The following AK9 variants were observed in gnomAD, a reference collection of about 807,000 sequenced individuals.
AK9 encodes adenylate kinase 9, also known as adenylate kinase domain containing 1.
AK9 carries 191 observed loss-of-function variants against 239.6 expected under a neutral mutation model. That is an observed-to-expected ratio of 0.80 (90% CI 0.71 to 0.90). The LOEUF (loss-of-function observed/expected upper bound fraction) is 0.90, where lower values mean the gene tolerates loss of function less well. Ranked by LOEUF, AK9 falls within the 40% of genes least tolerant of loss-of-function variation. The pLI is 0.00. For synonymous variants in AK9, 689 were observed against 721.0 expected (o/e 0.96, Z 0.71); for missense variants, 1,995 against 2,214.7 (o/e 0.90, Z 1.99).
intron 38 of AK9, among the ~76,000 whole-genome samples, chr6:109,496,393 A>T (rs1416565016): frequency 1.3e-5 from 2 of 152,200 alleles, no homozygotes; most frequent in African/African-American, 2.4e-5. Flanking sequence ...TCTGGACTAC[A>T]GGCAAGAGCT....
rs117711394 is a variant in AK9 at position 109,505,555 on chromosome 6, G to C, written c.4849+772C>G. ...CTCAACATTTATATCATACTATAAT[G>C]GGTGTAAATAGTAAAAATAATTTTA... On this transcript the variant is annotated intron_variant, in intron 35 of 40. Coordinates refer to ENST00000424296, the MANE Select transcript of AK9 (RefSeq NM_001145128.3). Among the ~76,000 whole-genome samples, 76 of 152,112 alleles carry C rather than the reference G, an allele frequency of 5.0e-4. 1 individual carries two copies. In the East Asian group the frequency reaches 0.014, roughly 29 times the overall value.
intron 32 of AK9, among the ~76,000 whole-genome samples, chr6:109,513,966 A>G (rs1779006910): frequency 6.6e-6 from 1 of 152,110 alleles, no homozygotes; most frequent in Admixed American, 6.6e-5. Context: ...CTGTCCCATG[A>G]CTTCACCCTG....
At chr6:109,524,402 T>A (rs1780202798) in intron 29 of AK9, among the ~76,000 whole-genome samples, 1 of 152,118 alleles carries the variant, frequency 6.6e-6, no homozygotes, top group African/African-American at 2.4e-5. Flanking sequence ...AAAAAATGTC[T>A]AAAGAAATAA....
chr6:109,497,726 A>G (rs1777221438), intron 37 of AK9, 70 bp downstream of exon 37: 2 of 1,534,522 alleles, frequency 1.3e-6, no homozygotes, highest in Admixed American at 4.0e-5. Flanking sequence ...CAATATGTTA[A>G]GATTATTACA....
At chr6:109,507,178 A>C (rs941636406) in intron 33 of AK9, among the ~76,000 whole-genome samples, 1 of 152,218 alleles carries the variant, frequency 6.6e-6, no homozygotes, top group Non-Finnish European at 1.5e-5. Context: ...AGAGGCAGAT[A>C]ACTTTAGATT....
chr6:109,627,176 G>A (rs1264977009), intron 12 of AK9, among the ~76,000 whole-genome samples: 17 of 139,338 alleles, frequency 1.2e-4, no homozygotes, highest in Non-Finnish European at 2.6e-4. Context: ...CCCTACATGG[G>A]GTCAGGATTA....
intron 17 of AK9, among the ~76,000 whole-genome samples, chr6:109,588,763 G>A (rs1048579165): frequency 4.6e-5 from 7 of 152,142 alleles, no homozygotes; most frequent in African/African-American, 1.7e-4. Context: ...TCTGGTGAGA[G>A]ATAGGGGTCC....
chr6:109,604,401 A>T (rs1372810105), intron 17 of AK9, among the ~76,000 whole-genome samples: 2 of 152,154 alleles, frequency 1.3e-5, no homozygotes, highest in East Asian at 3.8e-4. Flanking sequence ...ATATATATGG[A>T]ATTTATTTTT....
chr6:109,528,926 G>A (rs751452601), intron 29 of AK9, 85 bp downstream of exon 29: 2 of 1,559,670 alleles, frequency 1.3e-6, no homozygotes, highest in African/African-American at 2.7e-5. Context: ...GTTCGAGGTT[G>A]CAGTGAGCTA....
chr6:109,571,789 A>C (rs1583059169), intron 21 of AK9, among the ~76,000 whole-genome samples: 2 of 152,308 alleles, frequency 1.3e-5, no homozygotes, highest in Middle Eastern at 6.8e-3. Flanking sequence ...ATGATTCTAG[A>C]GTTTTTATTT....
intron 24 of AK9, among the ~76,000 whole-genome samples, chr6:109,560,155 T>C (rs1785561384): frequency 6.6e-6 from 1 of 152,216 alleles, no homozygotes; most frequent in Admixed American, 6.5e-5. Flanking sequence ...AATTCACAGC[T>C]TAGGACATGA....
rs935016032 is a variant in AK9 at position 109,564,791 on chromosome 6, T to C, written c.2399A>G (p.Lys800Arg). Residue 800 changes from lysine to arginine, a missense_variant, in exon 22 of 41, where the codon AAA (lysine) becomes AGA (arginine). Coordinates refer to ENST00000424296, the MANE Select transcript of AK9 (RefSeq NM_001145128.3). Reference sequence around the variant, plus strand: ...TAATTTTTCAATTTCCAGGCCCTCTTTGGATCCTTTTGGGATTTCTGTTTC... The same window carrying C: ...TAATTTTTCAATTTCCAGGCCCTCTCTGGATCCTTTTGGGATTTCTGTTTC... The part of the protein sequence containing the change: ...TVETEIPKGS[K>R]EGLEIEKLSE... The C allele has an allele frequency of 3.1e-5, 48 of 1,546,750 alleles. No homozygotes were observed. The highest frequency in any genetic ancestry group is 4.1e-5 in the Non-Finnish European group (47 of 1,144,778).
chr6:109,500,595 G>C (rs1011345229), intron 35 of AK9, among the ~76,000 whole-genome samples: 1 of 152,156 alleles, frequency 6.6e-6, no homozygotes, highest in Non-Finnish European at 1.5e-5. Flanking sequence ...AAAAATCATA[G>C]TTTGTTTTTT....
chr6:109,619,026 G>C (rs1474676014), intron 13 of AK9, 66 bp downstream of exon 13: 46 of 1,470,834 alleles, frequency 3.1e-5, no homozygotes, highest in Non-Finnish European at 4.1e-5. Flanking sequence ...CAAAGTCCTT[G>C]CTTTCAAGTA....
intron 17 of AK9, among the ~76,000 whole-genome samples, chr6:109,594,055 G>C (rs569333366): frequency 6.6e-6 from 1 of 152,272 alleles, no homozygotes; most frequent in South Asian, 2.1e-4. Context: ...TATTCAAATA[G>C]GAAGAGAGGA....
At chr6:109,528,288 A>C (rs1279515281) in intron 29 of AK9, 1 of 353,524 alleles carries the variant, frequency 2.8e-6, no homozygotes, top group Non-Finnish European at 5.6e-6. Context: ...TGACACCTTA[A>C]ACAGAGCAAA....
At chr6:109,676,743 A>G (rs1771808758) in intron 1 of AK9, among the ~76,000 whole-genome samples, 1 of 152,148 alleles carries the variant, frequency 6.6e-6, no homozygotes, top group Admixed American at 6.6e-5. Flanking sequence ...ATATTTAGTT[A>G]AAATGATATA....
chr6:109,514,101 AC>A, intron 32 of AK9, 122 bp downstream of exon 32: 1 of 911,152 alleles, frequency 1.1e-6, no homozygotes, highest in African/African-American at 1.7e-5. Context: ...TCACTCAGCC[AC>A]CCTACGATTA....
chr6:109,610,542 G>A, intron 16 of AK9, 29 bp from the exon 17 acceptor site: 3 of 1,539,234 alleles, frequency 1.9e-6, no homozygotes, highest in Non-Finnish European at 2.6e-6. Context: ...ATAAATTAAT[G>A]CCATTAATAA....
Sources: allele counts gnomAD v4.1 joint callset (sites outside exome capture counted in the v4.1 genomes callset), GRCh38; gene constraint gnomAD v4.1.1; transcripts MANE v1.5; gene names NCBI Gene and HGNC (gene_info 2026-07-23, HGNC 2026-07-21).